Variants in SRBD1 observed in about 807,000 individuals in gnomAD.
SRBD1 encodes S1 RNA binding domain 1, also known as S1 RNA-binding domain-containing protein 1.
In SRBD1, 88 loss-of-function variants were observed where a neutral mutation model predicts 115.3. The ratio of observed to expected loss-of-function variants is 0.76; its 90% CI spans 0.64 to 0.91. The LOEUF (loss-of-function observed/expected upper bound fraction) is 0.91, where lower values mean the gene tolerates loss of function less well. Among genes scored for constraint, SRBD1 ranks in the 40% least tolerant of loss-of-function variants. SRBD1 has a pLI of 0.00. For synonymous variants in SRBD1, 509 were observed against 407.7 expected, an observed-to-expected ratio of 1.25 and a Z score of -2.99; for missense variants, 1,385 against 1,177.4, an observed-to-expected ratio of 1.18 and a Z score of -2.58.
At chr2:45,588,446 C>T (rs1179846728) in intron 4 of SRBD1, among the ~76,000 whole-genome samples, 2 of 152,200 alleles carry the variant, frequency 1.3e-5, no homozygotes, top group Non-Finnish European at 1.5e-5. Context: ...ACAAAATCAA[C>T]TCATTTATAT....
At chr2:45,443,853 G>C (rs1202855362) in intron 16 of SRBD1, among the ~76,000 whole-genome samples, 1 of 143,512 alleles carries the variant, frequency 7.0e-6, no homozygotes, top group Non-Finnish European at 1.5e-5. Context: ...GTTTTACAAA[G>C]AGTGTTGCTT....
rs780781170 is a variant in SRBD1 at position 45,441,927 on chromosome 2, T to C, written c.2050-22033A>G. On this transcript the variant is annotated intron_variant, in intron 16 of 20. Coordinates refer to ENST00000263736, the MANE Select transcript of SRBD1 (RefSeq NM_018079.5). ...AGCTGCCAAATTCTCATGCCAATAC[T>C]TTCTGGGTAGGTTTTTAGGTCAATA... Among the ~76,000 whole-genome samples the C allele has an allele frequency of 2.4e-4, 36 of 152,320 alleles. No homozygotes were observed. The Middle Eastern group carries it at 0.014, about 58-fold the overall frequency.
At chr2:45,415,925 C>T (rs1667818774) in intron 18 of SRBD1, among the ~76,000 whole-genome samples, 1 of 151,932 alleles carries the variant, frequency 6.6e-6, no homozygotes, top group Non-Finnish European at 1.5e-5. Flanking sequence ...AGAGGACAGA[C>T]ACCTATTAAC....
chr2:45,489,188 G>C (rs1670215725), intron 14 of SRBD1, among the ~76,000 whole-genome samples: 1 of 152,152 alleles, frequency 6.6e-6, no homozygotes, highest in Admixed American at 6.5e-5. Context: ...TCTACTCTAA[G>C]TATACACAAT....
intron 1 of SRBD1, among the ~76,000 whole-genome samples, chr2:45,607,849 C>CTT (rs1205794450): frequency 6.6e-6 from 1 of 152,172 alleles, no homozygotes; most frequent in African/African-American, 2.4e-5. Flanking sequence ...AGACTGAATG[C>CTT]TAAAGGCAGA....
chr2:45,390,061 C>A (rs542694605), intron 20 of SRBD1, among the ~76,000 whole-genome samples: 5 of 152,196 alleles, frequency 3.3e-5, no homozygotes, highest in Admixed American at 1.3e-4. Context: ...AACTTTTGGC[C>A]AAATGTGGAT....
chr2:45,461,432 G>A (rs1037305653), intron 16 of SRBD1, among the ~76,000 whole-genome samples: 1 of 152,164 alleles, frequency 6.6e-6, no homozygotes, highest in Non-Finnish European at 1.5e-5. Flanking sequence ...CACATCACCA[G>A]ATGATGCTGG....
intron 16 of SRBD1, among the ~76,000 whole-genome samples, chr2:45,440,581 C>G (rs1268083253): frequency 6.6e-6 from 1 of 152,164 alleles, no homozygotes; most frequent in African/African-American, 2.4e-5. Context: ...CAAATGCACA[C>G]CAATTAGCTA....
At chr2:45,569,474 A>G (rs1672943392) in intron 9 of SRBD1, 1 of 152,238 alleles carries the variant, frequency 6.6e-6, no homozygotes, top group Non-Finnish European at 1.5e-5. Context: ...GACTACAGGC[A>G]TGTGCCACCA....
At chr2:45,544,950 T>C (rs1672061932) in intron 14 of SRBD1, among the ~76,000 whole-genome samples, 3 of 152,102 alleles carry the variant, frequency 2.0e-5, no homozygotes, top group South Asian at 4.1e-4. Flanking sequence ...AAAGGCTAAG[T>C]AACTCTTCAA....
chr2:45,457,772 A>T (rs1669198845), intron 16 of SRBD1, among the ~76,000 whole-genome samples: 3 of 152,054 alleles, frequency 2.0e-5, no homozygotes, highest in South Asian at 4.1e-4. Flanking sequence ...TGTTGACTTC[A>T]AGAGACCAAG....
intron 14 of SRBD1, among the ~76,000 whole-genome samples, chr2:45,505,345 T>C (rs1419874931): frequency 6.6e-6 from 1 of 152,126 alleles, no homozygotes; most frequent in African/African-American, 2.4e-5. Context: ...AGAGAGCACA[T>C]TCTGAAAAGA....
At chr2:45,395,692 A>C (rs965898542) in intron 19 of SRBD1, among the ~76,000 whole-genome samples, 9 of 152,218 alleles carry the variant, frequency 5.9e-5, no homozygotes, top group African/African-American at 2.2e-4. Context: ...ACACACAAAG[A>C]GCCAACAACA....
chr2:45,532,230 C>A (rs190896050), intron 14 of SRBD1, among the ~76,000 whole-genome samples: 3 of 151,976 alleles, frequency 2.0e-5, no homozygotes, highest in Admixed American at 2.0e-4. Flanking sequence ...CTTTAAATTT[C>A]TTTTCATGCA....
chr2:45,454,639 G>C (rs1351012245), intron 16 of SRBD1, among the ~76,000 whole-genome samples: 1 of 151,716 alleles, frequency 6.6e-6, no homozygotes, highest in African/African-American at 2.4e-5. Context: ...TCTGCTTGCA[G>C]GTAAAAAATA....
chr2:45,442,961 T>C (rs1668715382), intron 16 of SRBD1, among the ~76,000 whole-genome samples: 1 of 152,082 alleles, frequency 6.6e-6, no homozygotes, highest in Non-Finnish European at 1.5e-5. Context: ...CCACACGTAG[T>C]AACAAGCTAC....
chr2:45,598,604 C>CAA (rs562560787), intron 4 of SRBD1, among the ~76,000 whole-genome samples: 1 of 114,440 alleles, frequency 8.7e-6, no homozygotes, highest in Non-Finnish European at 1.9e-5. Flanking sequence ...GACACCGTCT[C>CAA]AAAAAAAAAA....
At chr2:45,490,940 T>C (rs1670273433) in intron 14 of SRBD1, among the ~76,000 whole-genome samples, 1 of 152,096 alleles carries the variant, frequency 6.6e-6, no homozygotes, top group Non-Finnish European at 1.5e-5. Context: ...AATACACAGT[T>C]CAGTGCTCAG....
At position 45,397,328 on chromosome 2, in the gene SRBD1, T is replaced by A. The variant is rs3755068; in HGVS notation, c.2514-4199A>T. Among the ~76,000 whole-genome samples the A allele has an allele frequency of 2.6e-5, 4 of 152,324 alleles. No individual in the cohort carries two copies. In the East Asian group the frequency reaches 7.7e-4, roughly 29 times the overall value. ...TTTCTCTCTATATAACATATATATG[T>A]TACTCTATGTATACATTTCTTTAAA... is the stretch of plus-strand genomic sequence containing the variant. On this transcript the variant is annotated intron_variant, in intron 19 of 20. Coordinates refer to ENST00000263736, the MANE Select transcript of SRBD1 (RefSeq NM_018079.5).
Sources: allele counts gnomAD v4.1 joint callset (sites outside exome capture counted in the v4.1 genomes callset), GRCh38; gene constraint gnomAD v4.1.1; transcripts MANE v1.5; gene names NCBI Gene and HGNC (gene_info 2026-07-23, HGNC 2026-07-21).